The following ELMO1 variants were observed in gnomAD, a reference collection of about 807,000 sequenced individuals.
The protein encoded by ELMO1 is engulfment and cell motility 1.
In ELMO1, 26 loss-of-function variants were observed where a neutral mutation model predicts 98.9. The ratio of observed to expected loss-of-function variants is 0.26; its 90% CI spans 0.19 to 0.36. The LOEUF (loss-of-function observed/expected upper bound fraction) is 0.36, where lower values mean the gene tolerates loss of function less well. ELMO1 is among the 10% of genes least tolerant of loss of function. ELMO1 has a pLI of 1.00. For missense variants in ELMO1, 627 were observed against 935.2 expected (o/e 0.67, Z 4.30); for synonymous variants, 346 against 346.0 (o/e 1.00, Z 0.00).
Position 37,272,005 on chromosome 7 carries a change from T to C in ELMO1, c.193-123A>G, listed in dbSNP as rs538661442. 46 of 775,630 alleles carry C rather than the reference T, an allele frequency of 5.9e-5. 1 individual carries two copies. The African/African-American group carries it at 7.9e-4, about 13-fold the overall frequency. The allele number at this position is 775,630 out of a possible 1,614,324, so 48.0% of individuals were successfully genotyped here. On this transcript the variant is annotated intron_variant, in intron 4 of 21. Coordinates refer to ENST00000310758, the MANE Select transcript of ELMO1 (RefSeq NM_014800.11). ...AGTTTATTCTCACTTGAATAATTTTTAATTATTTCTATAAAGGCTGTTAAC... is the reference window on the plus strand; with the variant it reads ...AGTTTATTCTCACTTGAATAATTTTCAATTATTTCTATAAAGGCTGTTAAC...
chr7:37,133,018 A>C (rs1458388481), intron 14 of ELMO1, 112 bp downstream of exon 14: 1 of 669,572 alleles, frequency 1.5e-6, no homozygotes, highest in Non-Finnish European at 2.2e-6. Flanking sequence ...TTTACTAAGA[A>C]AGACAGAAAA....
At chr7:37,061,762 C>T (rs1217545874) in intron 15 of ELMO1, among the ~76,000 whole-genome samples, 1 of 152,146 alleles carries the variant, frequency 6.6e-6, no homozygotes, top group African/African-American at 2.4e-5. Flanking sequence ...GAAATAAATA[C>T]ACCGAATGGC....
intron 13 of ELMO1, among the ~76,000 whole-genome samples, chr7:37,188,486 G>T (rs1316825709): frequency 4.7e-5 from 2 of 42,884 alleles, no homozygotes; most frequent in African/African-American, 1.5e-4. Flanking sequence ...CTGGAGAAAG[G>T]TAAAAAAAAA....
intron 5 of ELMO1, among the ~76,000 whole-genome samples, chr7:37,268,509 C>A (rs1796378141): frequency 1.3e-5 from 2 of 152,140 alleles, no homozygotes; most frequent in Non-Finnish European, 2.9e-5. Flanking sequence ...GTCATCTTGG[C>A]CAGGCTGGTC....
intron 15 of ELMO1, among the ~76,000 whole-genome samples, chr7:37,023,424 T>C (rs144420051): frequency 1.1e-3 from 160 of 152,208 alleles, no homozygotes; most frequent in Non-Finnish European, 1.5e-3. Flanking sequence ...CCTCTAGAAA[T>C]AGGGATTGAC....
chr7:36,853,951 T>C lies in ELMO1; in HGVS notation c.*1600A>G, dbSNP rs775618638. 1.1e-4 allele frequency among the ~76,000 whole-genome samples: 17 copies of C among 152,246 alleles called. No homozygotes were observed. The highest frequency in any genetic ancestry group is 2.2e-4 in the Non-Finnish European group (15 of 68,044). ...TTCTGGCTTATTTCAGGTCTGTGGG[T>C]ATGCATTCTTTTCATTGCTAAATGT... On this transcript the variant is annotated 3_prime_UTR_variant, in exon 22 of 22. Transcript: ENST00000310758.
intron 16 of ELMO1, among the ~76,000 whole-genome samples, chr7:37,003,819 C>T (rs992487422): frequency 1.2e-4 from 19 of 152,256 alleles, no homozygotes; most frequent in Admixed American, 3.9e-4. Context: ...CTTGTTTTGG[C>T]GTCTTTGCAA....
In ELMO1 at chr7:37,161,933, T is replaced by TATA. The variant is rs1554429665; in HGVS notation, c.1087-28700_1087-28699insTAT. On this transcript the variant is annotated intron_variant, in intron 13 of 21. Coordinates refer to ENST00000310758, the MANE Select transcript of ELMO1 (RefSeq NM_014800.11). ...ATATATATATATATATATATATATATATGTTAAGCGTGATGTAATCTTCCA... is the reference window on the plus strand; with the variant it reads ...ATATATATATATATATATATATATATATAATGTTAAGCGTGATGTAATCTTCCA... 1.7e-5 allele frequency among the ~76,000 whole-genome samples: 2 copies of TATA among 117,252 alleles called. 1 individual carries two copies. Among genetic ancestry groups the TATA allele is most frequent in the East Asian group, 5.4e-4 (2 of 3,738 alleles). The allele number at this position is 117,252 out of a possible 152,430, so 76.9% of individuals were successfully genotyped here. A position where few individuals can be genotyped will look rare whatever the true frequency, so the allele number is the denominator to read the frequency against.
At chr7:36,986,319 T>C (rs1052281709) in intron 16 of ELMO1, 1 of 929,562 alleles carries the variant, frequency 1.1e-6, no homozygotes, top group African/African-American at 1.8e-5. Context: ...TCTTAGAGTA[T>C]CACAAGAGAA....
At chr7:37,035,997 T>C (rs1221255672) in intron 15 of ELMO1, among the ~76,000 whole-genome samples, 1 of 152,246 alleles carries the variant, frequency 6.6e-6, no homozygotes. Context: ...AATGATGCCA[T>C]GTATGGTCTG....
intron 13 of ELMO1, among the ~76,000 whole-genome samples, chr7:37,210,183 T>C (rs140476950): frequency 6.1e-4 from 93 of 152,272 alleles, no homozygotes; most frequent in African/African-American, 2.2e-3. Context: ...AAAACATATC[T>C]CATACAAAGT....
intron 15 of ELMO1, among the ~76,000 whole-genome samples, chr7:37,067,694 G>C (rs1429912936): frequency 6.6e-6 from 1 of 151,288 alleles, no homozygotes; most frequent in Non-Finnish European, 1.5e-5. Context: ...ACTAGAAATA[G>C]AAATTGTTAG....
At chr7:36,973,826 C>CCGCACT (rs1022987224) in intron 16 of ELMO1, among the ~76,000 whole-genome samples, 58 of 152,350 alleles carry the variant, frequency 3.8e-4, no homozygotes, top group African/African-American at 1.3e-3. Context: ...TCTTGGCGGC[C>CCGCACT]CGCACTCGGA....
At chr7:37,109,992 G>A (rs779866886) in intron 14 of ELMO1, among the ~76,000 whole-genome samples, 31 of 152,144 alleles carry the variant, frequency 2.0e-4, no homozygotes, top group Non-Finnish European at 4.3e-4. Flanking sequence ...TTTTTACCAG[G>A]AAGCAACCTT....
chr7:37,440,759 A>C (rs1583770142), intron 1 of ELMO1, among the ~76,000 whole-genome samples: 1 of 136,134 alleles, frequency 7.3e-6, no homozygotes. Flanking sequence ...ACAGAGTGAG[A>C]CTCCATCTCA....
At chr7:36,878,666 A>T (rs1232769770) in intron 18 of ELMO1, among the ~76,000 whole-genome samples, 3 of 152,186 alleles carry the variant, frequency 2.0e-5, no homozygotes, top group Non-Finnish European at 4.4e-5. Context: ...GGTGGGATTC[A>T]TGAGGAAATC....
intron 14 of ELMO1, among the ~76,000 whole-genome samples, chr7:37,111,063 T>C (rs1785225169): frequency 6.6e-6 from 1 of 152,206 alleles, no homozygotes; most frequent in Non-Finnish European, 1.5e-5. Context: ...CCCAGGACCA[T>C]GTGGGCCTCT....
intron 13 of ELMO1, among the ~76,000 whole-genome samples, chr7:37,206,943 A>T (rs1242773551): frequency 1.3e-5 from 2 of 152,116 alleles, no homozygotes; most frequent in East Asian, 3.9e-4. Flanking sequence ...TTCAGAAGGG[A>T]TCAGAAAGAT....
At chr7:37,332,617 G>GA (rs1800196319) in intron 2 of ELMO1, among the ~76,000 whole-genome samples, 1 of 152,234 alleles carries the variant, frequency 6.6e-6, no homozygotes, top group Admixed American at 6.5e-5. Context: ...CTAGTTAAGA[G>GA]AAAATCACAT....
Sources: gnomAD v4.1 joint callset for allele counts (sites outside exome capture counted in the v4.1 genomes callset) on GRCh38, gnomAD v4.1.1 for gene constraint, MANE v1.5 for transcripts, NCBI Gene and HGNC (gene_info 2026-07-23, HGNC 2026-07-21) for gene names.